PDZD2: variants seen among roughly 807,000 people sequenced by gnomAD.
The protein encoded by PDZD2 is PDZ domain-containing protein 2.
Under a neutral mutation model 220.7 loss-of-function variants are expected in PDZD2, and 90 were observed. The ratio of observed to expected loss-of-function variants is 0.41; its 90% CI spans 0.34 to 0.49. PDZD2 has a LOEUF of 0.49. Among genes scored for constraint, PDZD2 ranks in the 20% least tolerant of loss-of-function variants. The probability of loss-of-function intolerance (pLI) is 0.28; values close to 1 mark genes in which losing one functional copy is unlikely to be tolerated. For missense variants in PDZD2, 3,174 were observed against 3,608.5 expected, an observed-to-expected ratio of 0.88 and a Z score of 3.08; for synonymous variants, 1,375 against 1,450.5, an observed-to-expected ratio of 0.95 and a Z score of 1.18.
chr5:31,881,326 ATGTGTGTGTGTGTGTGTGTG>A (rs67969355), intron 2 of PDZD2, among the ~76,000 whole-genome samples: 15 of 123,252 alleles, frequency 1.2e-4, no homozygotes, highest in East Asian at 4.8e-4. Context: ...TTCCATATAT[ATGTGTGTGTGTGTGTGTGTG>A]TGTGTGTGTG....
At chr5:31,833,016 A>G (rs1756713964) in intron 2 of PDZD2, among the ~76,000 whole-genome samples, 1 of 152,264 alleles carries the variant, frequency 6.6e-6, no homozygotes, top group East Asian at 1.9e-4. Context: ...CCACTGCCAC[A>G]GTGTCATTAA....
At chr5:31,799,782 C>A in intron 2 of PDZD2, 58 bp downstream of exon 2, 1 of 1,120,634 alleles carries the variant, frequency 8.9e-7, no homozygotes, top group Non-Finnish European at 1.4e-6. Context: ...TGGTGGTTCC[C>A]AGATCTGCAG....
At chr5:31,737,689 TCTC>T (rs1180620697) in intron 1 of PDZD2, among the ~76,000 whole-genome samples, 1 of 152,192 alleles carries the variant, frequency 6.6e-6, no homozygotes, top group Non-Finnish European at 1.5e-5. Flanking sequence ...TGAGGTTTCA[TCTC>T]CTTTCTTCTC....
At chr5:31,660,710 T>G (rs1353040495) in intron 1 of PDZD2, among the ~76,000 whole-genome samples, 1 of 152,070 alleles carries the variant, frequency 6.6e-6, no homozygotes, top group Non-Finnish European at 1.5e-5. Context: ...GAACTACAAT[T>G]CAAGATGAGA....
intron 24 of PDZD2, among the ~76,000 whole-genome samples, chr5:32,105,868 C>T (rs940814148): frequency 2.0e-5 from 3 of 152,000 alleles, no homozygotes; most frequent in Admixed American, 6.6e-5. Context: ...GTGGTTTAAA[C>T]GAGAGAATTT....
chr5:31,721,793 ATATT>A (rs542784895), intron 1 of PDZD2, among the ~76,000 whole-genome samples: 67 of 152,038 alleles, frequency 4.4e-4, no homozygotes, highest in African/African-American at 1.4e-3. Context: ...TGGTCAATAA[ATATT>A]TATTAATAAT....
At chr5:31,848,641 C>T (rs1580882503) in intron 2 of PDZD2, among the ~76,000 whole-genome samples, 1 of 151,594 alleles carries the variant, frequency 6.6e-6, no homozygotes, top group African/African-American at 2.4e-5. Context: ...CCCAGCTACT[C>T]AGGAGGCTGT....
At chr5:31,774,439 T>C (rs756324457) in intron 1 of PDZD2, among the ~76,000 whole-genome samples, 5 of 151,970 alleles carry the variant, frequency 3.3e-5, no homozygotes, top group African/African-American at 4.8e-5. Context: ...AGTGGCTAGG[T>C]GTGGTGGCTC....
rs202124378 is a variant in PDZD2, at chr5:32,089,287, A to G, written c.5839A>G (p.Thr1947Ala). The G allele has an allele frequency of 6.5e-5, 105 of 1,613,994 alleles. No homozygotes were observed. The highest frequency in any genetic ancestry group is 1.8e-4 in the South Asian group (16 of 91,070). The change falls in exon 20 of 25, where the codon ACC becomes GCC. Residue 1947 changes from threonine to alanine, a missense_variant. Physicochemically the swap from Thr to Ala is moderately conservative, Grantham distance 58. Around this residue, in one of 4 missense-constraint regions of PDZD2, gnomAD observed 1,861 missense variants for 2,001.0 expected, o/e 0.93. Coordinates refer to ENST00000438447, the MANE Select transcript of PDZD2 (RefSeq NM_178140.4). Reference protein sequence around the residue: ...VADHEDPDRNTTAAPRSPQCV... With the variant: ...VADHEDPDRNATAAPRSPQCV... ...CGACCACGAGGACCCTGACAGAAAC[A>G]CCACAGCTGCCCCCAGGTCCCCCCA...
intron 2 of PDZD2, among the ~76,000 whole-genome samples, chr5:31,836,825 C>A (rs1264050511): frequency 6.6e-6 from 1 of 151,880 alleles, no homozygotes; most frequent in African/African-American, 2.4e-5. Context: ...TCAAGACCAG[C>A]CTGGCCAACA....
rs896146875 is a variant in PDZD2 at position 32,097,977 on chromosome 5, G to A, written c.7948-387G>A. On this transcript the variant is annotated intron_variant, in intron 22 of 24. Transcript: ENST00000438447. ...AGAAAGTTCCTTTACTACAAGACCCGGCACGGTGGCTCACGCCTGTAATCC... is the reference window on the plus strand; with the variant it reads ...AGAAAGTTCCTTTACTACAAGACCCAGCACGGTGGCTCACGCCTGTAATCC... Among the ~76,000 whole-genome samples, 7 of 152,160 alleles carry A rather than the reference G, an allele frequency of 4.6e-5. No individual in the cohort carries two copies. In the East Asian group the frequency reaches 7.7e-4, roughly 17 times the overall value.
At chr5:32,072,735 G>A (rs1191877175) in intron 17 of PDZD2, among the ~76,000 whole-genome samples, 1 of 152,182 alleles carries the variant, frequency 6.6e-6, no homozygotes, top group African/African-American at 2.4e-5. Flanking sequence ...GGAAAATGCA[G>A]CCACTGTTAG....
intron 19 of PDZD2, among the ~76,000 whole-genome samples, chr5:32,078,652 A>AAAG (rs1741579351): frequency 6.6e-6 from 1 of 150,798 alleles, no homozygotes; most frequent in African/African-American, 2.4e-5. Flanking sequence ...AAAAAAAAAA[A>AAAG]AAAAAAAGGA....
intron 2 of PDZD2, among the ~76,000 whole-genome samples, chr5:31,887,648 G>C (rs1740634403): frequency 6.6e-6 from 1 of 152,120 alleles, no homozygotes. Context: ...TGGAACAATA[G>C]GGCTGATTTT....
intron 2 of PDZD2, among the ~76,000 whole-genome samples, chr5:31,920,231 C>T (rs764542760): frequency 1.1e-4 from 17 of 152,024 alleles, no homozygotes; most frequent in Non-Finnish European, 2.4e-4. Flanking sequence ...CTATAGTGGG[C>T]TATGAGCGCG....
At chr5:31,876,797 G>A (rs1364531408) in intron 2 of PDZD2, among the ~76,000 whole-genome samples, 2 of 152,170 alleles carry the variant, frequency 1.3e-5, no homozygotes, top group Non-Finnish European at 2.9e-5. Flanking sequence ...CTGGAGTCAG[G>A]CTATGTGCCA....
chr5:31,874,596 A>G (rs1739137525), intron 2 of PDZD2, among the ~76,000 whole-genome samples: 1 of 152,034 alleles, frequency 6.6e-6, no homozygotes, highest in Admixed American at 6.5e-5. Flanking sequence ...CCCCATCTCT[A>G]CTAAAAGTAA....
intron 5 of PDZD2, among the ~76,000 whole-genome samples, chr5:32,005,752 C>A (rs936584864): frequency 2.6e-5 from 4 of 152,170 alleles, no homozygotes; most frequent in African/African-American, 9.7e-5. Context: ...TTAAAAGCTG[C>A]ATGTCCTGGC....
intron 5 of PDZD2, among the ~76,000 whole-genome samples, chr5:32,002,886 CACACACCA>C: frequency 9.7e-6 from 1 of 103,136 alleles, no homozygotes; most frequent in Non-Finnish European, 2.0e-5. Context: ...ACACACACCA[CACACACCA>C]ACACACACCC....
Sources: allele counts gnomAD v4.1 joint callset (sites outside exome capture counted in the v4.1 genomes callset), GRCh38; gene constraint gnomAD v4.1.1; regional missense constraint gnomAD v4.1.1; transcripts MANE v1.5; gene names NCBI Gene and HGNC (gene_info 2026-07-23, HGNC 2026-07-21).